Variants in ARHGAP42 observed in about 807,000 individuals in gnomAD.
ARHGAP42 encodes the protein rho GTPase-activating protein 42.
Under a neutral mutation model 125.0 loss-of-function variants are expected in ARHGAP42, and 63 were observed. The ratio of observed to expected loss-of-function variants is 0.50; its 90% CI spans 0.41 to 0.62. The LOEUF is 0.62. ARHGAP42 is among the 20% of genes least tolerant of loss of function. The probability of loss-of-function intolerance (pLI) is 0.00; values close to 1 mark genes in which losing one functional copy is unlikely to be tolerated. For synonymous variants in ARHGAP42, 339 were observed against 351.0 expected, an observed-to-expected ratio of 0.97 and a Z score of 0.38; for missense variants, 766 against 1,024.2, an observed-to-expected ratio of 0.75 and a Z score of 3.44.
intron 1 of ARHGAP42, among the ~76,000 whole-genome samples, chr11:100,688,269 T>A (rs1861124953): frequency 6.6e-6 from 1 of 152,214 alleles, no homozygotes. Flanking sequence ...CTCTCATACG[T>A]CAGTGGCTCT....
chr11:100,911,176 G>T (rs767605408), intron 4 of ARHGAP42, among the ~76,000 whole-genome samples: 1 of 152,178 alleles, frequency 6.6e-6, no homozygotes, highest in Non-Finnish European at 1.5e-5. Flanking sequence ...AGTTAGGACT[G>T]TTTGTACAGA....
intron 4 of ARHGAP42, among the ~76,000 whole-genome samples, chr11:100,881,831 T>C (rs966535666): frequency 1.7e-5 from 2 of 116,224 alleles, no homozygotes; most frequent in African/African-American, 6.5e-5. Context: ...TTGTTAGTTT[T>C]TGTTTGTTTG....
intron 1 of ARHGAP42, among the ~76,000 whole-genome samples, chr11:100,706,686 A>G (rs760714745): frequency 3.9e-5 from 6 of 152,228 alleles, no homozygotes; most frequent in Non-Finnish European, 5.9e-5. Flanking sequence ...GTCATTTCAA[A>G]GGGTTGATTT....
chr11:100,993,659 TTAAGA>T lies in ARHGAP42; in HGVS notation c.*4861_*4865del, dbSNP rs1347347498. ...CTGTAGTTTATATAAAAGTCGGATGTTAAGATATTATATTTCAGTACTAGGAGCTT... is the reference window on the plus strand; with the variant it reads ...CTGTAGTTTATATAAAAGTCGGATGTTATTATATTTCAGTACTAGGAGCTT... On this transcript the variant is annotated 3_prime_UTR_variant, in exon 24 of 24. Transcript: ENST00000298815. 1.2e-5 allele frequency: 2 copies of T among 167,192 alleles called. No individual in the cohort carries two copies. The highest frequency in any genetic ancestry group is 3.9e-4 in the East Asian group (2 of 5,188). 10.4% of individuals were successfully genotyped at this position (167,192 alleles called of 1,614,324 possible). A position where few individuals can be genotyped will look rare whatever the true frequency, so the allele number is the denominator to read the frequency against.
At chr11:100,861,688 G>T (rs1322190816) in intron 4 of ARHGAP42, among the ~76,000 whole-genome samples, 1 of 152,174 alleles carries the variant, frequency 6.6e-6, no homozygotes, top group East Asian at 1.9e-4. Context: ...GGTGGTTGTT[G>T]AACCACCTAC....
rs1244826269 is a variant in ARHGAP42, at chr11:100,976,455, T to G, written c.2236+18T>G. On this transcript the variant is annotated intron_variant, in intron 20 of 23. Transcript: ENST00000298815. Reference sequence around the variant, plus strand: ...AGCTGAAGGTAAGGCAGAGTGGAACTTGTGCAAGATGTCATTGTCTCAGTG... The same window carrying G: ...AGCTGAAGGTAAGGCAGAGTGGAACGTGTGCAAGATGTCATTGTCTCAGTG... The G allele has an allele frequency of 6.7e-7, 1 of 1,499,606 alleles. No homozygotes were observed. The highest frequency in any genetic ancestry group is 2.5e-5 in the East Asian group (1 of 40,478). The allele number at this position is 1,499,606 out of a possible 1,614,324, so 92.9% of individuals were successfully genotyped here.
chr11:100,741,986 A>G (rs1327708676), intron 1 of ARHGAP42, among the ~76,000 whole-genome samples: 2 of 152,136 alleles, frequency 1.3e-5, no homozygotes, highest in Admixed American at 1.3e-4. Flanking sequence ...CCTAGAGGAA[A>G]CCTTAGTGAT....
At chr11:100,833,738 A>G (rs1047879774) in intron 3 of ARHGAP42, among the ~76,000 whole-genome samples, 1 of 151,984 alleles carries the variant, frequency 6.6e-6, no homozygotes, top group African/African-American at 2.4e-5. Flanking sequence ...GCTTTCTTTG[A>G]CCTAGCCCCT....
At chr11:100,777,647 G>C (rs1215991404) in intron 2 of ARHGAP42, among the ~76,000 whole-genome samples, 3 of 152,136 alleles carry the variant, frequency 2.0e-5, no homozygotes, top group Non-Finnish European at 4.4e-5. Context: ...CACTTTGAGA[G>C]ATAATAGCTT....
At chr11:100,961,797 G>A in intron 15 of ARHGAP42, 29 bp downstream of exon 15, 2 of 1,529,746 alleles carry the variant, frequency 1.3e-6, no homozygotes, top group Non-Finnish European at 1.8e-6. Flanking sequence ...CTGGTACTCT[G>A]GATGTAATCT....
At chr11:100,811,082 A>G (rs1002768302) in intron 3 of ARHGAP42, among the ~76,000 whole-genome samples, 1 of 152,030 alleles carries the variant, frequency 6.6e-6, no homozygotes, top group East Asian at 1.9e-4. Flanking sequence ...CAGCCTCTTC[A>G]GTAGCTGGCA....
intron 4 of ARHGAP42, among the ~76,000 whole-genome samples, chr11:100,899,436 G>A (rs1866464735): frequency 6.6e-6 from 1 of 152,198 alleles, no homozygotes; most frequent in African/African-American, 2.4e-5. Flanking sequence ...AATATTGACA[G>A]TGGGGTGTTA....
chr11:100,818,104 G>A (rs1274575079), intron 3 of ARHGAP42, among the ~76,000 whole-genome samples: 3 of 152,198 alleles, frequency 2.0e-5, no homozygotes, highest in Non-Finnish European at 4.4e-5. Flanking sequence ...AAAGAGGCTA[G>A]CAATGCCTGC....
chr11:100,775,057 A>G (rs892885359), intron 2 of ARHGAP42, among the ~76,000 whole-genome samples: 3 of 151,942 alleles, frequency 2.0e-5, no homozygotes, highest in African/African-American at 7.3e-5. Flanking sequence ...ATTGAAGAGC[A>G]TCAAGAGGCC....
intron 22 of ARHGAP42, among the ~76,000 whole-genome samples, chr11:100,980,962 T>TGTA (rs1228946333): frequency 6.6e-6 from 1 of 152,208 alleles, no homozygotes; most frequent in Admixed American, 6.5e-5. Flanking sequence ...CACTCAGCTC[T>TGTA]ACCTTCAGAG....
chr11:100,856,405 G>T (rs1865323146), intron 3 of ARHGAP42, among the ~76,000 whole-genome samples: 1 of 152,086 alleles, frequency 6.6e-6, no homozygotes, highest in African/African-American at 2.4e-5. Context: ...AGTGACCACT[G>T]TGTAGGGATA....
chr11:100,699,498 ATATATATATTTTTTTTTT>A (rs2075050792), intron 1 of ARHGAP42, among the ~76,000 whole-genome samples: 7 of 36,220 alleles, frequency 1.9e-4, no homozygotes, highest in Non-Finnish European at 2.1e-4. Context: ...ATATATATAT[ATATATATATTTTTTTTTT>A]TTTTTTTTTT....
At chr11:100,772,999 G>T (rs1008741885) in intron 2 of ARHGAP42, among the ~76,000 whole-genome samples, 4 of 152,162 alleles carry the variant, frequency 2.6e-5, no homozygotes, top group African/African-American at 9.7e-5. Flanking sequence ...ACCATGCCCA[G>T]CTAATTTTTG....
chr11:100,858,735 A>G (rs1865380434), intron 3 of ARHGAP42, among the ~76,000 whole-genome samples: 1 of 152,106 alleles, frequency 6.6e-6, no homozygotes, highest in East Asian at 1.9e-4. Context: ...CATGTAATAG[A>G]TTATGTTCAG....
Sources: allele counts gnomAD v4.1 joint callset (sites outside exome capture counted in the v4.1 genomes callset), GRCh38; gene constraint gnomAD v4.1.1; transcripts MANE v1.5; gene names NCBI Gene and HGNC (gene_info 2026-07-23, HGNC 2026-07-21).